H2BC18: variants seen among roughly 807,000 people sequenced by gnomAD.
The protein encoded by H2BC18 is H2B clustered histone 18, also known as histone H2B type 2-F.
Under a neutral mutation model 6.3 loss-of-function variants are expected in H2BC18, and 8 were observed. The ratio of observed to expected loss-of-function variants is 1.28; its 90% CI spans 0.75 to 2.31. H2BC18 has a LOEUF of 2.31. H2BC18 is among the 30% of genes most tolerant of loss of function. H2BC18 has a pLI of 0.00. For missense variants in H2BC18, 106 were observed against 174.5 expected (o/e 0.61, Z 2.21); for synonymous variants, 104 against 78.1 (o/e 1.33, Z -1.75).
chr1:149,806,574 C>A (rs1231163557), intron 1 of H2BC18, among the ~76,000 whole-genome samples: 1 of 150,250 alleles, frequency 6.7e-6, no homozygotes, highest in Non-Finnish European at 1.5e-5. Context: ...GACAACAGAG[C>A]GAGACGCGAG....
chr1:149,791,561 C>A (rs781898041), intron 1 of H2BC18: 17 of 1,608,938 alleles, frequency 1.1e-5, no homozygotes, highest in Non-Finnish European at 1.4e-5. Flanking sequence ...GTCCCCTGCC[C>A]ACTTGCTCCC....
chr1:149,790,385 C>G, intron 1 of H2BC18: 1 of 1,556,716 alleles, frequency 6.4e-7, no homozygotes, highest in East Asian at 2.3e-5. Flanking sequence ...AAGGGACTCC[C>G]TTATCTCCCA....
rs1553754492 is a variant in H2BC18, at chr1:149,811,900, C to T, written c.*43G>A. 1.3e-6 allele frequency: 2 copies of T among 1,546,922 alleles called. No homozygotes were observed. The highest frequency in any genetic ancestry group is 1.1e-5 in the South Asian group (1 of 89,374). On this transcript the variant is annotated 3_prime_UTR_variant, in exon 1 of 1. Coordinates refer to ENST00000369167, the MANE Select transcript of H2BC18 (RefSeq NM_001024599.5). ...TTACTGAAGTGGCTCTGAAAAGAGC[C>T]TTTGGGGTTAGGTGGTTGATCTATT...
intron 1 of H2BC18, chr1:149,793,215 G>A (rs2091757210): frequency 7.9e-7 from 1 of 1,271,930 alleles, no homozygotes. Flanking sequence ...CCATTTTCTT[G>A]GCTTGTCGCA....
chr1:149,803,670 T>C (rs1553753594), intron 1 of H2BC18: 1 of 152,260 alleles, frequency 6.6e-6, no homozygotes. Flanking sequence ...TAGTGGTTCT[T>C]CTACTTTGCT....
Position 149,812,361 on chromosome 1 carries a change from A to C in H2BC18, c.-38T>G. On this transcript the variant is annotated 5_prime_UTR_variant, in exon 1 of 1. In the 5' UTR this introduces an upstream ATG that the reference lacks. Coordinates refer to ENST00000369167, the MANE Select transcript of H2BC18 (RefSeq NM_001024599.5). Reference sequence around the variant, plus strand: ...AAAGAGAAAAGAGACTTAAAGAAGTAATCCGAACTACCGCAAAACGGGCTG... The same window carrying C: ...AAAGAGAAAAGAGACTTAAAGAAGTCATCCGAACTACCGCAAAACGGGCTG... The C allele has an allele frequency of 6.2e-7, 1 of 1,613,894 alleles. No homozygotes were observed. Among genetic ancestry groups the C allele is most frequent in the Non-Finnish European group, 8.5e-7 (1 of 1,179,908 alleles).
rs1553750938 is a variant in H2BC18, at chr1:149,787,239, A to G, written c.378-3979T>C. On this transcript the variant is annotated intron_variant, in intron 1 of 1. Transcript: ENST00000545683. Reference sequence around the variant, plus strand: ...AAAATTCATGCTATGTATAGCATAGAAACACCTGCCTTCCATTCTTAGATA... The same window carrying G: ...AAAATTCATGCTATGTATAGCATAGGAACACCTGCCTTCCATTCTTAGATA... The G allele has an allele frequency of 2.0e-5, 3 of 152,342 alleles. No individual in the cohort carries two copies. In the South Asian group the frequency reaches 6.2e-4, roughly 32 times the overall value. The allele number at this position is 152,342 out of a possible 1,614,324, so 9.4% of individuals were successfully genotyped here. A position where few individuals can be genotyped will look rare whatever the true frequency, so the allele number is the denominator to read the frequency against.
chr1:149,807,696 C>G (rs1423851054), downstream of H2BC18, among the ~76,000 whole-genome samples: 1 of 151,652 alleles, frequency 6.6e-6, no homozygotes, highest in African/African-American at 2.4e-5. Flanking sequence ...CCCAGCTACT[C>G]GGGGGGCTGA....
At chr1:149,808,113 T>A, downstream of H2BC18, among the ~76,000 whole-genome samples, 1 of 151,742 alleles carries the variant, frequency 6.6e-6, no homozygotes, top group Non-Finnish European at 1.5e-5. Flanking sequence ...ATTAATAACC[T>A]CTAATCACAG....
At chr1:149,789,960 G>T in intron 1 of H2BC18, 1 of 1,609,640 alleles carries the variant, frequency 6.2e-7, no homozygotes, top group Non-Finnish European at 8.5e-7. Context: ...ATTTTCTAGG[G>T]CCAGGTTTCC....
rs2994183 is a variant in H2BC18 at position 149,812,242 on chromosome 1, T to C, written c.82A>G (p.Lys28Glu). 7.4e-6 allele frequency: 12 copies of C among 1,614,144 alleles called. No individual in the cohort carries two copies. Among genetic ancestry groups the C allele is most frequent in the East Asian group, 2.2e-5 (1 of 44,898 alleles). ...TCCTTGCGGCTGCGCTTGCGCTTCT[T>C]GCCGTCCTTCTTCTGCACTTTCGTA... ...AVTKVQKKDG[K>E]KRKRSRKESY... The change falls in exon 1 of 1, where the codon AAG (lysine) becomes GAG (glutamate). Residue 28 changes from lysine to glutamate, a missense_variant. By Grantham distance (56) the Lys-to-Glu change is moderately conservative. Around this residue, in one of 3 missense-constraint regions of H2BC18, gnomAD observed 70 missense variants for 64.6 expected, o/e 1.08. Coordinates refer to ENST00000369167, the MANE Select transcript of H2BC18 (RefSeq NM_001024599.5).
At chr1:149,792,085 G>GC (rs1553752010) in intron 1 of H2BC18, 4 of 142,220 alleles carry the variant, frequency 2.8e-5, no homozygotes, top group African/African-American at 8.6e-5. Flanking sequence ...GGCATACAAG[G>GC]GGGTAACTCA....
chr1:149,804,605 T>C (rs1474648054), intron 1 of H2BC18, among the ~76,000 whole-genome samples: 8 of 151,788 alleles, frequency 5.3e-5, no homozygotes, highest in African/African-American at 1.9e-4. Flanking sequence ...TTCCTAACCA[T>C]AACAATAATA....
Position 149,812,337 on chromosome 1 carries a change from A to T in H2BC18, c.-14T>A. On this transcript the variant is annotated 5_prime_UTR_variant, in exon 1 of 1. Transcript: ENST00000369167. ...TGGATCCGGCATTTTTGCGCGAAAA[A>T]AGAGAAAAGAGACTTAAAGAAGTAA... The T allele has an allele frequency of 6.2e-7, 1 of 1,614,034 alleles. No individual in the cohort carries two copies.
chr1:149,792,812 G>A, intron 1 of H2BC18: 2 of 1,279,362 alleles, frequency 1.6e-6, no homozygotes, highest in Non-Finnish European at 2.0e-6. Context: ...GGAGTCGGTG[G>A]GCAGCAACGG....
chr1:149,805,249 C>T lies in H2BC18; in HGVS notation c.377+6698G>A, dbSNP rs607024. 2.6e-5 allele frequency: 4 copies of T among 151,750 alleles called. No homozygotes were observed. In the East Asian group the frequency reaches 5.8e-4, roughly 22 times the overall value. The allele number at this position is 151,750 out of a possible 1,614,324, so 9.4% of individuals were successfully genotyped here. A position where few individuals can be genotyped will look rare whatever the true frequency, so the allele number is the denominator to read the frequency against. ...AACCTGAAATAATTTAAATAATTAT[C>T]GGGGACTTACCAGAGCTAAGTTCGT... is the stretch of plus-strand genomic sequence containing the variant. On this transcript the variant is annotated intron_variant, in intron 1 of 1. Coordinates refer to the H2BC18 transcript ENST00000545683.
chr1:149,790,302 C>T (rs1571396288), intron 1 of H2BC18: 4 of 1,587,864 alleles, frequency 2.5e-6, no homozygotes, highest in Non-Finnish European at 3.4e-6. Context: ...TGGAAATGTC[C>T]TTAAGCGCAG....
intron 1 of H2BC18, among the ~76,000 whole-genome samples, chr1:149,800,971 A>G (rs5011223): frequency 2.6e-5 from 4 of 152,176 alleles, no homozygotes; most frequent in Admixed American, 1.3e-4. Context: ...CTGTGGTCCC[A>G]ACTACTAGGG....
chr1:149,799,302 G>A (rs1306944306), intron 1 of H2BC18, among the ~76,000 whole-genome samples: 3 of 151,876 alleles, frequency 2.0e-5, no homozygotes, highest in Non-Finnish European at 2.9e-5. Context: ...TGAGTTGGAT[G>A]TAAATTTGAC....
Sources: allele counts gnomAD v4.1 joint callset (sites outside exome capture counted in the v4.1 genomes callset), GRCh38; gene constraint gnomAD v4.1.1; regional missense constraint gnomAD v4.1.1; transcripts MANE v1.5; gene names NCBI Gene and HGNC (gene_info 2026-07-23, HGNC 2026-07-21).